The following CPQ variants were observed in gnomAD, a reference collection of about 807,000 sequenced individuals.
CPQ encodes the protein Ser-Met dipeptidase.
CPQ carries 37 observed loss-of-function variants against 45.7 expected under a neutral mutation model. The observed-to-expected ratio is 0.81, with a 90% CI of 0.62 to 1.07. The LOEUF (loss-of-function observed/expected upper bound fraction) is 1.07, where lower values mean the gene tolerates loss of function less well. CPQ is among the 50% of genes least tolerant of loss of function. CPQ has a pLI of 0.00. For missense variants in CPQ, 537 were observed against 572.9 expected, an observed-to-expected ratio of 0.94 and a Z score of 0.64; for synonymous variants, 186 against 205.8, an observed-to-expected ratio of 0.90 and a Z score of 0.82.
chr8:96,767,118 GA>G (rs1389436267), intron 1 of CPQ, among the ~76,000 whole-genome samples: 1 of 152,120 alleles, frequency 6.6e-6, no homozygotes, highest in African/African-American at 2.4e-5. Flanking sequence ...AATAGAATCT[GA>G]TGTTATCCAA....
At chr8:96,812,809 G>A (rs928871340) in intron 2 of CPQ, among the ~76,000 whole-genome samples, 2 of 151,772 alleles carry the variant, frequency 1.3e-5, no homozygotes, top group Admixed American at 6.6e-5. Context: ...GAGTCTCTCC[G>A]AAGGTTTTTC....
rs34933920 is a variant in CPQ at position 97,124,225 on chromosome 8, CAAAAA to C, written c.1256-18773_1256-18769del. ...TGGGCGACAGAGCAAGACTCCGTCTCAAAAAAAAAAAAAAAAAAAAAAAAAAGTAA... is the reference window on the plus strand; with the variant it reads ...TGGGCGACAGAGCAAGACTCCGTCTCAAAAAAAAAAAAAAAAAAAAAGTAA... On this transcript the variant is annotated intron_variant, in intron 7 of 7. Transcript: ENST00000220763. Among the ~76,000 whole-genome samples, 31 of 42,580 alleles carry C rather than the reference CAAAAA, an allele frequency of 7.3e-4. No individual in the cohort carries two copies. The South Asian group carries it at 8.6e-3, about 12-fold the overall frequency. The allele number at this position is 42,580 out of a possible 152,430, so 27.9% of individuals were successfully genotyped here. A position where few individuals can be genotyped will look rare whatever the true frequency, so the allele number is the denominator to read the frequency against.
intron 2 of CPQ, among the ~76,000 whole-genome samples, chr8:96,829,187 G>A (rs910760683): frequency 6.6e-6 from 1 of 152,052 alleles, no homozygotes; most frequent in Non-Finnish European, 1.5e-5. Context: ...ACCAAACAGG[G>A]CAGGCAGCTG....
chr8:97,003,264 G>T (rs369975114), intron 5 of CPQ, among the ~76,000 whole-genome samples: 2 of 151,996 alleles, frequency 1.3e-5, no homozygotes, highest in Admixed American at 6.6e-5. Flanking sequence ...TACATTTAAG[G>T]TTAGTATTTA....
At chr8:96,792,979 A>G (rs778080224) in intron 2 of CPQ, among the ~76,000 whole-genome samples, 6 of 152,130 alleles carry the variant, frequency 3.9e-5, no homozygotes, top group Admixed American at 6.5e-5. Context: ...TTATACAACC[A>G]TCAGATCTTG....
chr8:96,963,307 T>A, intron 4 of CPQ, among the ~76,000 whole-genome samples: 1 of 152,348 alleles, frequency 6.6e-6, no homozygotes, highest in African/African-American at 2.4e-5. Context: ...CCACATGGGA[T>A]TACACCACTA....
intron 2 of CPQ, among the ~76,000 whole-genome samples, chr8:96,815,221 A>C (rs1429150130): frequency 6.6e-6 from 1 of 152,126 alleles, no homozygotes; most frequent in Non-Finnish European, 1.5e-5. Context: ...GAGAAATGGT[A>C]GGAGGAGATA....
At chr8:97,025,366 A>G (rs1387611644) in intron 5 of CPQ, among the ~76,000 whole-genome samples, 1 of 152,214 alleles carries the variant, frequency 6.6e-6, no homozygotes, top group Non-Finnish European at 1.5e-5. Context: ...GTTGCTTTAG[A>G]GGAAAACCAT....
chr8:96,717,414 A>G (rs536544293), intron 1 of CPQ, among the ~76,000 whole-genome samples: 5 of 151,984 alleles, frequency 3.3e-5, no homozygotes, highest in Admixed American at 6.5e-5. Context: ...CCACTGGTCT[A>G]TGTGCCTATT....
chr8:96,880,517 TCATATATATA>T (rs1812206928), intron 4 of CPQ, among the ~76,000 whole-genome samples: 1 of 76,554 alleles, frequency 1.3e-5, no homozygotes, highest in African/African-American at 5.3e-5. Context: ...AAATATATGG[TCATATATATA>T]TATATATATA....
intron 1 of CPQ, among the ~76,000 whole-genome samples, chr8:96,774,163 C>G (rs1039710264): frequency 2.0e-5 from 3 of 151,784 alleles, no homozygotes; most frequent in Non-Finnish European, 4.4e-5. Context: ...CCCAGCTACT[C>G]AGGAGACTGA....
At chr8:97,013,017 T>G (rs1809516694) in intron 5 of CPQ, among the ~76,000 whole-genome samples, 1 of 152,152 alleles carries the variant, frequency 6.6e-6, no homozygotes, top group Non-Finnish European at 1.5e-5. Flanking sequence ...GGTTCAGTAT[T>G]TGTAGAGTCG....
intron 7 of CPQ, among the ~76,000 whole-genome samples, chr8:97,114,550 A>G (rs1299145034): frequency 6.6e-6 from 1 of 152,164 alleles, no homozygotes; most frequent in Non-Finnish European, 1.5e-5. Context: ...CCAGGTAACT[A>G]TGTTTACCCT....
intron 4 of CPQ, among the ~76,000 whole-genome samples, chr8:96,950,849 A>G (rs1179341372): frequency 6.6e-6 from 1 of 152,122 alleles, no homozygotes. Context: ...TTAGATACAC[A>G]AAAGAGGGAG....
chr8:96,702,079 G>T (rs1343234495), intron 1 of CPQ, among the ~76,000 whole-genome samples: 1 of 152,164 alleles, frequency 6.6e-6, no homozygotes, highest in Non-Finnish European at 1.5e-5. Context: ...CTGGCAAGAT[G>T]GTGCTTTGTT....
At position 96,734,508 on chromosome 8, in the gene CPQ, G is replaced by A. The variant is rs1402410775; in HGVS notation, c.-34-50356G>A. ...GGACGGATCACAAGGTCAGGAGATCGAGACCATCCTGGCTAAAACGGTGAA... is the reference window on the plus strand; with the variant it reads ...GGACGGATCACAAGGTCAGGAGATCAAGACCATCCTGGCTAAAACGGTGAA... On this transcript the variant is annotated intron_variant, in intron 1 of 7. Transcript: ENST00000220763. Among the ~76,000 whole-genome samples, 3 of 151,960 alleles carry A rather than the reference G, an allele frequency of 2.0e-5. No homozygotes were observed. In the East Asian group the frequency reaches 5.8e-4, roughly 29 times the overall value.
intron 1 of CPQ, among the ~76,000 whole-genome samples, chr8:96,769,158 A>G (rs1459013821): frequency 6.6e-6 from 1 of 152,204 alleles, no homozygotes; most frequent in African/African-American, 2.4e-5. Flanking sequence ...TAATATTGCC[A>G]GATCGAAGAC....
At chr8:96,933,422 G>C (rs1473622317) in intron 4 of CPQ, among the ~76,000 whole-genome samples, 1 of 152,150 alleles carries the variant, frequency 6.6e-6, no homozygotes, top group African/African-American at 2.4e-5. Flanking sequence ...ATCATCAGCA[G>C]TAGCTTCTTG....
intron 1 of CPQ, among the ~76,000 whole-genome samples, chr8:96,754,335 G>A (rs1166076277): frequency 3.9e-5 from 6 of 151,986 alleles, no homozygotes; most frequent in Non-Finnish European, 7.4e-5. Flanking sequence ...CTCTGAGGGA[G>A]TGCTTTTCAA....
Sources: gnomAD v4.1 joint callset for allele counts (sites outside exome capture counted in the v4.1 genomes callset) on GRCh38, gnomAD v4.1.1 for gene constraint, MANE v1.5 for transcripts, NCBI Gene and HGNC (gene_info 2026-07-23, HGNC 2026-07-21) for gene names.